Variants in EPHA8 observed in about 807,000 individuals in gnomAD.
EPHA8 encodes EPH receptor A8.
EPHA8 carries 58 observed loss-of-function variants against 103.6 expected under a neutral mutation model. The observed-to-expected ratio is 0.56, with a 90% CI of 0.45 to 0.70. The LOEUF is 0.70. Among genes scored for constraint, EPHA8 ranks in the 30% least tolerant of loss-of-function variants. EPHA8 has a pLI of 0.00. For missense variants in EPHA8, 1,304 were observed against 1,395.2 expected (o/e 0.93, Z 1.04); for synonymous variants, 559 against 572.5 (o/e 0.98, Z 0.34).
chr1:22,601,519 G>A lies in EPHA8; in HGVS notation c.2903+46G>A, dbSNP rs751915867. On this transcript the variant is annotated intron_variant, in intron 16 of 16. Coordinates refer to ENST00000166244, the MANE Select transcript of EPHA8 (RefSeq NM_020526.5). ...GGGCCCCATGCGTGTGGGGGCAGGG[G>A]GGGGGACCCCTGCCGGGGAGGCTAC... The A allele has an allele frequency of 2.4e-5, 39 of 1,605,388 alleles. No individual in the cohort carries two copies. In the African/African-American group the frequency reaches 3.2e-4, roughly 13 times the overall value.
chr1:22,568,042 G>GT (rs1640418615), intron 1 of EPHA8, among the ~76,000 whole-genome samples: 1 of 152,226 alleles, frequency 6.6e-6, no homozygotes, highest in South Asian at 2.1e-4. Context: ...TAATGCATCT[G>GT]TTTCACCTTA....
intron 7 of EPHA8, among the ~76,000 whole-genome samples, chr1:22,594,603 G>C (rs1641466771): frequency 6.6e-6 from 1 of 152,176 alleles, no homozygotes; most frequent in Non-Finnish European, 1.5e-5. Flanking sequence ...CCGGAGTCAG[G>C]GTCTCCTGTA....
chr1:22,586,593 T>C lies in EPHA8; in HGVS notation c.937T>C (p.Tyr313His). Residue 313 changes from tyrosine to histidine, a missense_variant, in exon 4 of 17, where the codon TAC (tyrosine) becomes CAC (histidine). By Grantham distance (83) the Tyr-to-His change is moderately conservative. Coordinates refer to ENST00000166244, the MANE Select transcript of EPHA8 (RefSeq NM_020526.5). ...AAQACHCDLS[Y>H]YRAALDPPSS... ...CCAAGCCTGCCACTGTGACCTCAGC[T>C]ACTACCGTGCAGCCCTGGACCCGCC... The C allele has an allele frequency of 6.2e-7, 1 of 1,613,958 alleles. No individual in the cohort carries two copies. The highest frequency in any genetic ancestry group is 2.2e-5 in the East Asian group (1 of 44,874).
chr1:22,578,372 G>T (rs1377460434), intron 3 of EPHA8, among the ~76,000 whole-genome samples: 1 of 146,118 alleles, frequency 6.8e-6, no homozygotes, highest in African/African-American at 2.5e-5. Context: ...ATGTGTGCGT[G>T]CTTTAGTATA....
At chr1:22,584,461 T>C (rs1046568788) in intron 3 of EPHA8, among the ~76,000 whole-genome samples, 9 of 152,244 alleles carry the variant, frequency 5.9e-5, no homozygotes, top group Middle Eastern at 3.2e-3. Flanking sequence ...CTTCAGGGCG[T>C]TACCATTTCT....
Position 22,598,013 on chromosome 1 carries a change from G to T in EPHA8, c.2117-138G>T. The T allele has an allele frequency of 7.1e-7, 1 of 1,412,716 alleles. No individual in the cohort carries two copies. Among genetic ancestry groups the T allele is most frequent in the South Asian group, 1.2e-5 (1 of 84,080 alleles). 87.5% of individuals were successfully genotyped at this position (1,412,716 alleles called of 1,614,324 possible). On this transcript the variant is annotated intron_variant, in intron 11 of 16. Transcript: ENST00000166244. The surrounding 1 kb of genome is among the most constrained non-coding windows in gnomAD (Gnocchi z 5.1). Reference sequence around the variant, plus strand: ...ATGACTCGGGGTGCCCAGAGCCTGGGACCCCAGTGGAAACCCAAGGCACCC... The same window carrying T: ...ATGACTCGGGGTGCCCAGAGCCTGGTACCCCAGTGGAAACCCAAGGCACCC...
chr1:22,564,575 C>A (rs1312626310), intron 1 of EPHA8, among the ~76,000 whole-genome samples: 1 of 151,876 alleles, frequency 6.6e-6, no homozygotes, highest in East Asian at 1.9e-4. Flanking sequence ...TGCACTGAGT[C>A]GTTGGGACCA....
At chr1:22,595,353 C>T (rs1641489432) in intron 8 of EPHA8, 30 bp downstream of exon 8, 2 of 1,590,716 alleles carry the variant, frequency 1.3e-6, no homozygotes, top group African/African-American at 1.3e-5. Flanking sequence ...CACACCCAGC[C>T]CCTCCTCTCA....
chr1:22,582,391 G>A (rs1418932857), intron 3 of EPHA8, among the ~76,000 whole-genome samples: 1 of 152,200 alleles, frequency 6.6e-6, no homozygotes, highest in Non-Finnish European at 1.5e-5. Context: ...CCTGCCTTGG[G>A]TTTTGCCCTT....
chr1:22,579,123 ATGTGTGCATGTG>A (rs1346707537), intron 3 of EPHA8, among the ~76,000 whole-genome samples: 3 of 114,136 alleles, frequency 2.6e-5, no homozygotes, highest in Non-Finnish European at 6.0e-5. Context: ...GTGTACGTGT[ATGTGTGCATGTG>A]TGTGTGCATA....
chr1:22,564,793 G>A (rs889688237), intron 1 of EPHA8, among the ~76,000 whole-genome samples: 6 of 152,074 alleles, frequency 3.9e-5, no homozygotes, highest in Non-Finnish European at 7.4e-5. Context: ...AAGCCAGAGC[G>A]TCTCTGTGCA....
chr1:22,586,783 G>GGA, intron 4 of EPHA8, 148 bp downstream of exon 4: 2 of 1,016,272 alleles, frequency 2.0e-6, no homozygotes, highest in Non-Finnish European at 2.8e-6. Flanking sequence ...TCTGAGGTGG[G>GGA]GGGGGTGACT....
At chr1:22,574,876 C>T (rs1640640019) in intron 2 of EPHA8, among the ~76,000 whole-genome samples, 1 of 152,224 alleles carries the variant, frequency 6.6e-6, no homozygotes, top group South Asian at 2.1e-4. Flanking sequence ...CTGTTTTCCA[C>T]AGCAGCTGCA....
rs1225082989 is a variant in EPHA8, at chr1:22,585,050, TGCGCAC to T, written c.824-1426_824-1421del. Among the ~76,000 whole-genome samples, 5 of 93,516 alleles carry T rather than the reference TGCGCAC, an allele frequency of 5.3e-5. No homozygotes were observed. In the South Asian group the frequency reaches 1.3e-3, roughly 24 times the overall value. 61.4% of individuals were successfully genotyped at this position (93,516 alleles called of 152,430 possible). ...CTCTGTGTGTGTGTGTGTGTGTGTG[TGCGCAC>T]GCGTGTGTCTAGAGTTCCAGAAGGG... On this transcript the variant is annotated intron_variant, in intron 3 of 16. Transcript: ENST00000166244.
rs209695 is a variant in EPHA8 at position 22,593,771 on chromosome 1, G to A, written c.1603+85G>A. On this transcript the variant is annotated intron_variant, in intron 7 of 16. Coordinates refer to ENST00000166244, the MANE Select transcript of EPHA8 (RefSeq NM_020526.5). ...GGGGGTGGCCGAGGAGAGAGCTAGT[G>A]CAGGCTGAGCCAGTGCCAATGCAGG... 1.0e-3 allele frequency: 1,466 copies of A among 1,414,276 alleles called. 21 individuals are homozygous for A. The African/African-American group carries it at 0.018, about 18-fold the overall frequency. The allele number at this position is 1,414,276 out of a possible 1,614,324, so 87.6% of individuals were successfully genotyped here.
intron 3 of EPHA8, among the ~76,000 whole-genome samples, chr1:22,582,543 A>G (rs1159555021): frequency 6.6e-6 from 1 of 152,174 alleles, no homozygotes; most frequent in African/African-American, 2.4e-5. Context: ...CCATGGAAAA[A>G]TGTCAGAGCC....
intron 5 of EPHA8, 47 bp from the exon 6 acceptor site, chr1:22,593,279 C>T (rs757062438): frequency 1.1e-5 from 17 of 1,537,992 alleles, no homozygotes; most frequent in South Asian, 4.8e-5. Context: ...GGAGAGAGGC[C>T]ACGCCTTGTC....
chr1:22,570,129 A>G (rs368228937), intron 2 of EPHA8, among the ~76,000 whole-genome samples: 2 of 152,186 alleles, frequency 1.3e-5, no homozygotes, highest in South Asian at 2.1e-4. Flanking sequence ...GCACAGGGTG[A>G]GCCCTCGATG....
rs190763552 is a variant in EPHA8 at position 22,586,642 on chromosome 1, A to T, written c.979+7A>T. On this transcript the variant is annotated splice_region_variant and intron_variant, in intron 4 of 16. Transcript: ENST00000166244. ...CCGTCCTCAGCCTGCACCCGTGAGT[A>T]CCACTCCGAGATGCCAGTACCCTTG... The T allele has an allele frequency of 1.2e-6, 2 of 1,613,282 alleles. No individual in the cohort carries two copies. Among genetic ancestry groups the T allele is most frequent in the East Asian group, 2.2e-5 (1 of 44,848 alleles).
Sources: gnomAD v4.1 joint callset for allele counts (sites outside exome capture counted in the v4.1 genomes callset) on GRCh38, gnomAD v4.1.1 for gene constraint, Gnocchi (gnomAD v3.1) non-coding constraint, MANE v1.5 for transcripts, NCBI Gene and HGNC (gene_info 2026-07-23, HGNC 2026-07-21) for gene names.